Variants in KIAA0825 observed in about 807,000 individuals in gnomAD.
KIAA0825 encodes the protein uncharacterized protein KIAA0825.
KIAA0825 carries 119 observed loss-of-function variants against 147.6 expected under a neutral mutation model. The observed-to-expected ratio is 0.81, with a 90% CI of 0.69 to 0.94. The LOEUF (loss-of-function observed/expected upper bound fraction) is 0.94, where lower values mean the gene tolerates loss of function less well. KIAA0825 is among the 40% of genes least tolerant of loss of function. The pLI, the probability that KIAA0825 is intolerant of heterozygous loss-of-function variation, is 0.00. For missense variants in KIAA0825, 1,381 were observed against 1,472.7 expected (o/e 0.94, Z 1.02); for synonymous variants, 470 against 518.1 (o/e 0.91, Z 1.26).
Position 94,263,628 on chromosome 5 carries a change from G to C in KIAA0825, c.3711-109504C>G, listed in dbSNP as rs560058015. 7.3e-5 allele frequency among the ~76,000 whole-genome samples: 11 copies of C among 151,666 alleles called. No homozygotes were observed. The East Asian group carries it at 1.4e-3, about 19-fold the overall frequency. On this transcript the variant is annotated intron_variant, in intron 20 of 20. Coordinates refer to ENST00000682413, the MANE Select transcript of KIAA0825 (RefSeq NM_001145678.3). ...TCCCCAAACAAACTTGTTCTCTTTC[G>C]CCAAGACCTTTTTCTTCAATGTCTC...
At chr5:94,241,391 G>T (rs1213728279) in intron 20 of KIAA0825, among the ~76,000 whole-genome samples, 1 of 152,094 alleles carries the variant, frequency 6.6e-6, no homozygotes, top group African/African-American at 2.4e-5. Context: ...ATCACGACAG[G>T]ATCAAAGCCT....
At position 94,302,968 on chromosome 5, in the gene KIAA0825, T is replaced by C. The variant is rs544390551; in HGVS notation, c.3710+81400A>G. On this transcript the variant is annotated intron_variant, in intron 20 of 20. Transcript: ENST00000682413. ...ATACACTTAAAAGTAAAACTAATAT[T>C]ATTCTTACTTTTAAAAAGAAGATGT... is the stretch of plus-strand genomic sequence containing the variant. Among the ~76,000 whole-genome samples the C allele has an allele frequency of 1.8e-4, 28 of 152,170 alleles. No homozygotes were observed. The South Asian group carries it at 2.7e-3, about 15-fold the overall frequency.
chr5:94,227,096 A>G (rs2150076455), intron 20 of KIAA0825, among the ~76,000 whole-genome samples: 1 of 152,326 alleles, frequency 6.6e-6, no homozygotes, highest in East Asian at 1.9e-4. Flanking sequence ...ACACATGCAC[A>G]CGTATGTTTA....
chr5:94,550,618 G>A (rs187421527), intron 2 of KIAA0825, among the ~76,000 whole-genome samples: 79 of 152,206 alleles, frequency 5.2e-4, no homozygotes, highest in African/African-American at 1.6e-3. Flanking sequence ...CGAGGCAGGC[G>A]GATCACGAGG....
chr5:94,415,310 T>C (rs955999689), intron 15 of KIAA0825: 3 of 152,178 alleles, frequency 2.0e-5, no homozygotes, highest in African/African-American at 7.2e-5. Context: ...TTATAGATAC[T>C]GAAGCATAGA....
chr5:94,529,330 CATATATATGTATATA>C (rs58994999), intron 3 of KIAA0825, among the ~76,000 whole-genome samples: 1 of 133,690 alleles, frequency 7.5e-6, no homozygotes, highest in African/African-American at 3.0e-5. Context: ...ATGTATATAT[CATATATATGTATATA>C]TCATATATGT....
rs1175620806 is a variant in KIAA0825, at chr5:94,524,976, G to A, written c.132-878C>T. 2.0e-5 allele frequency among the ~76,000 whole-genome samples: 3 copies of A among 151,752 alleles called. No individual in the cohort carries two copies. In the South Asian group the frequency reaches 6.2e-4, roughly 31 times the overall value. On this transcript the variant is annotated intron_variant, in intron 3 of 20. Coordinates refer to ENST00000682413, the MANE Select transcript of KIAA0825 (RefSeq NM_001145678.3). ...TGTGCATTGATGATTATAAATCTTT[G>A]TGGGGTAAACTGGTGACCTTTAGCA... is the stretch of plus-strand genomic sequence containing the variant.
At chr5:94,559,678 TTC>T (rs1294220752) in intron 2 of KIAA0825, among the ~76,000 whole-genome samples, 6 of 152,226 alleles carry the variant, frequency 3.9e-5, no homozygotes, top group African/African-American at 7.2e-5. Flanking sequence ...TTTTGGTCAT[TTC>T]AGCTTGACAC....
intron 5 of KIAA0825, among the ~76,000 whole-genome samples, chr5:94,493,468 T>C (rs1390696820): frequency 6.6e-6 from 1 of 152,198 alleles, no homozygotes; most frequent in Non-Finnish European, 1.5e-5. Flanking sequence ...GCTGAATTGC[T>C]AGTACATACA....
intron 1 of KIAA0825, among the ~76,000 whole-genome samples, chr5:94,614,552 A>C (rs1418989030): frequency 6.6e-6 from 1 of 152,148 alleles, no homozygotes; most frequent in Non-Finnish European, 1.5e-5. Context: ...ACATAGCCAA[A>C]GTGACCTAGG....
At chr5:94,249,172 T>C (rs796093133) in intron 20 of KIAA0825, among the ~76,000 whole-genome samples, 12 of 152,244 alleles carry the variant, frequency 7.9e-5, no homozygotes, top group African/African-American at 2.6e-4. Flanking sequence ...GACACCAACA[T>C]TAACTTTGAG....
chr5:94,165,386 G>A (rs1332135344), intron 20 of KIAA0825, among the ~76,000 whole-genome samples: 2 of 152,074 alleles, frequency 1.3e-5, no homozygotes, highest in Admixed American at 1.3e-4. Context: ...TAGAGAAAAG[G>A]GAACCCTTGT....
chr5:94,366,697 T>C (rs1164705089), intron 20 of KIAA0825, among the ~76,000 whole-genome samples: 1 of 152,228 alleles, frequency 6.6e-6, no homozygotes. Flanking sequence ...CTATTTTCCC[T>C]GTGTTTGAAA....
At chr5:94,475,738 G>GGCGGAGATTGCAGTGA (rs1562535932) in intron 7 of KIAA0825, among the ~76,000 whole-genome samples, 3 of 152,146 alleles carry the variant, frequency 2.0e-5, no homozygotes, top group Non-Finnish European at 2.9e-5. Context: ...GAACTTGGGA[G>GGCGGAGATTGCAGTGA]GCGGAGATTG....
intron 20 of KIAA0825, among the ~76,000 whole-genome samples, chr5:94,155,428 C>G (rs1285074942): frequency 1.3e-5 from 2 of 151,896 alleles, no homozygotes; most frequent in East Asian, 3.9e-4. Context: ...CTATGTTGCC[C>G]AGGCTCATCT....
intron 5 of KIAA0825, among the ~76,000 whole-genome samples, chr5:94,490,685 A>AAT (rs965806300): frequency 2.6e-5 from 4 of 151,854 alleles, no homozygotes; most frequent in Non-Finnish European, 4.4e-5. Context: ...TATATTTGTA[A>AAT]ATATATATAT....
chr5:94,396,538 A>C (rs1750674558), intron 16 of KIAA0825, 29 bp from the exon 17 acceptor site: 2 of 1,455,970 alleles, frequency 1.4e-6, no homozygotes, highest in African/African-American at 2.9e-5. Flanking sequence ...GGTATGATTA[A>C]TATTAGCATT....
chr5:94,270,718 A>T (rs1776943732), intron 20 of KIAA0825, among the ~76,000 whole-genome samples: 1 of 152,160 alleles, frequency 6.6e-6, no homozygotes. Flanking sequence ...AGTAAGGATA[A>T]CTCATTTTAC....
At chr5:94,542,685 T>A (rs1190870856) in intron 2 of KIAA0825, among the ~76,000 whole-genome samples, 1 of 152,160 alleles carries the variant, frequency 6.6e-6, no homozygotes, top group East Asian at 1.9e-4. Flanking sequence ...TGGGTGCCTG[T>A]AATCCCAGCT....
Sources: allele counts gnomAD v4.1 joint callset (sites outside exome capture counted in the v4.1 genomes callset), GRCh38; gene constraint gnomAD v4.1.1; transcripts MANE v1.5; gene names NCBI Gene and HGNC (gene_info 2026-07-23, HGNC 2026-07-21).